JAK1: variants seen among roughly 807,000 people sequenced by gnomAD.
JAK1 encodes the protein tyrosine-protein kinase JAK1.
Under a neutral mutation model 136.6 loss-of-function variants are expected in JAK1, and 16 were observed. The ratio of observed to expected loss-of-function variants is 0.12; its 90% CI spans 0.08 to 0.18. The LOEUF (loss-of-function observed/expected upper bound fraction) is 0.18. Ranked by LOEUF, JAK1 falls within the 10% of genes least tolerant of loss-of-function variation. The pLI is 1.00. For missense variants in JAK1, 859 were observed against 1,450.1 expected (o/e 0.59, Z 6.62); for synonymous variants, 492 against 519.5 (o/e 0.95, Z 0.72).
intron 1 of JAK1, among the ~76,000 whole-genome samples, chr1:64,912,184 A>G (rs1402473655): frequency 6.6e-6 from 1 of 152,126 alleles, no homozygotes; most frequent in African/African-American, 2.4e-5. Flanking sequence ...CGAGGCTGGA[A>G]CCCAGAGTAG....
At chr1:64,870,649 T>C (rs79944148) in intron 5 of JAK1, among the ~76,000 whole-genome samples, 3,319 of 152,140 alleles carry the variant, frequency 0.022, 129 homozygotes, top group African/African-American at 0.077. Flanking sequence ...CTTAAGCCTT[T>C]CTCCAGCTTG....
intron 2 of JAK1, among the ~76,000 whole-genome samples, chr1:65,044,190 T>C (rs1647162872): frequency 6.6e-6 from 1 of 152,158 alleles, no homozygotes; most frequent in African/African-American, 2.4e-5. Context: ...GGACATAATT[T>C]TAGAAAGCAA....
chr1:64,970,800 A>G (rs1646445192), upstream of JAK1, among the ~76,000 whole-genome samples: 1 of 152,000 alleles, frequency 6.6e-6, no homozygotes, highest in African/African-American at 2.4e-5. Context: ...AATATATGAT[A>G]TATAGGAGAG....
chr1:64,851,649 A>G (rs34505082), intron 11 of JAK1, among the ~76,000 whole-genome samples: 4,722 of 152,272 alleles, frequency 0.031, 233 homozygotes, highest in African/African-American at 0.11. Flanking sequence ...CCTCGAGGCC[A>G]GGAAATCTAC....
chr1:64,966,319 C>G lies in JAK1; in HGVS notation c.-78+14G>C, dbSNP rs1425785638. On this transcript the variant is annotated intron_variant, in intron 1 of 24. Transcript: ENST00000342505. ...GGCCGCCCCGGCTCCTCCACCTCCC[C>G]CGGTGACACTCACCACTTCCGTGTG... 1.3e-5 allele frequency: 2 copies of G among 152,204 alleles called. No individual in the cohort carries two copies. The highest frequency in any genetic ancestry group is 2.4e-5 in the African/African-American group (1 of 41,352). The allele number at this position is 152,204 out of a possible 1,614,324, so 9.4% of individuals were successfully genotyped here.
chr1:64,938,813 G>C (rs1318435251), intron 1 of JAK1, among the ~76,000 whole-genome samples: 1 of 152,220 alleles, frequency 6.6e-6, no homozygotes, highest in Admixed American at 6.5e-5. Context: ...GATGTGGGTA[G>C]AGGTAGATGG....
At chr1:65,017,973 C>G (rs1013191572) in intron 2 of JAK1, among the ~76,000 whole-genome samples, 1 of 151,964 alleles carries the variant, frequency 6.6e-6, no homozygotes, top group Non-Finnish European at 1.5e-5. Context: ...CCAGGCCCAA[C>G]TAATTTTTGT....
At chr1:65,018,956 A>G (rs1646914656) in intron 2 of JAK1, among the ~76,000 whole-genome samples, 1 of 152,214 alleles carries the variant, frequency 6.6e-6, no homozygotes, top group Admixed American at 6.5e-5. Flanking sequence ...GCTTGCAGTG[A>G]GCCAAGATCG....
intron 1 of JAK1, among the ~76,000 whole-genome samples, chr1:65,052,224 C>A (rs1647310688): frequency 6.6e-6 from 1 of 151,008 alleles, no homozygotes; most frequent in Non-Finnish European, 1.5e-5. Flanking sequence ...ATGTGAGCCA[C>A]CACACCCAGC....
At chr1:64,917,898 T>C (rs1247354874) in intron 1 of JAK1, among the ~76,000 whole-genome samples, 2 of 152,130 alleles carry the variant, frequency 1.3e-5, no homozygotes, top group East Asian at 1.9e-4. Flanking sequence ...CCACTGACTT[T>C]CCCAAAAGGG....
intron 1 of JAK1, among the ~76,000 whole-genome samples, chr1:64,906,207 T>C (rs555478269): frequency 2.3e-4 from 35 of 152,122 alleles, no homozygotes; most frequent in Admixed American, 2.0e-3. Context: ...GGCAGCAGAA[T>C]TGTTTGAACC....
chr1:64,917,463 C>A (rs977140681), intron 1 of JAK1, among the ~76,000 whole-genome samples: 1 of 152,128 alleles, frequency 6.6e-6, no homozygotes, highest in Non-Finnish European at 1.5e-5. Flanking sequence ...CAGAACAGAG[C>A]GGTCTCAACA....
intron 1 of JAK1, chr1:64,941,846 A>G (rs1645894973): frequency 6.6e-6 from 1 of 152,212 alleles, no homozygotes; most frequent in African/African-American, 2.4e-5. Context: ...GGGACTTTCC[A>G]GTGTTCTCTA....
chr1:64,844,996 T>C lies in JAK1; in HGVS notation c.2116-107A>G. The C allele has an allele frequency of 1.4e-6, 2 of 1,453,570 alleles. No homozygotes were observed. The highest frequency in any genetic ancestry group is 1.9e-6 in the Non-Finnish European group (2 of 1,054,846). The allele number at this position is 1,453,570 out of a possible 1,614,324, so 90.0% of individuals were successfully genotyped here. ...TCCTACCCCCAGCTACAGCCAGATCTGGACAGCCTGGCCCTGCTGCCAATC... is the reference window on the plus strand; with the variant it reads ...TCCTACCCCCAGCTACAGCCAGATCCGGACAGCCTGGCCCTGCTGCCAATC... On this transcript the variant is annotated intron_variant, in intron 15 of 24. Coordinates refer to ENST00000342505, the MANE Select transcript of JAK1 (RefSeq NM_002227.4). The surrounding 1 kb of genome is among the most constrained non-coding windows in gnomAD (Gnocchi z 5.7).
At chr1:65,007,539 C>A (rs1165318518) in intron 2 of JAK1, among the ~76,000 whole-genome samples, 1 of 152,182 alleles carries the variant, frequency 6.6e-6, no homozygotes, top group African/African-American at 2.4e-5. Context: ...CAGCTCACCG[C>A]AACCTCCACC....
intron 2 of JAK1, among the ~76,000 whole-genome samples, chr1:65,002,736 G>A (rs1200537169): frequency 6.6e-6 from 1 of 152,170 alleles, no homozygotes; most frequent in South Asian, 2.1e-4. Flanking sequence ...AAGCCCGGGC[G>A]CTCTTACCGA....
chr1:64,982,861 C>A (rs535312153), intron 2 of JAK1, among the ~76,000 whole-genome samples: 1 of 152,088 alleles, frequency 6.6e-6, no homozygotes, highest in African/African-American at 2.4e-5. Context: ...TGAAAATATT[C>A]ACAGTCTGGT....
intron 2 of JAK1, among the ~76,000 whole-genome samples, chr1:64,991,105 A>G (rs1646653244): frequency 6.6e-6 from 1 of 152,178 alleles, no homozygotes; most frequent in Non-Finnish European, 1.5e-5. Flanking sequence ...AAAATAGTGT[A>G]TGAACAAAAT....
rs182274814 is a variant in JAK1, at chr1:64,960,975, T to G, written c.-78+5358A>C. On this transcript the variant is annotated intron_variant, in intron 1 of 24. Coordinates refer to ENST00000342505, the MANE Select transcript of JAK1 (RefSeq NM_002227.4). The stretch of plus-strand genomic sequence containing the variant: ...TTGCCCTCCACTAAATGCCCCAGAT[T>G]GTTTCACTTTTGAGTTTTGGTTCTC... Among the ~76,000 whole-genome samples the G allele has an allele frequency of 3.3e-5, 5 of 152,336 alleles. No homozygotes were observed. In the East Asian group the frequency reaches 9.6e-4, roughly 29 times the overall value.
Sources: allele counts gnomAD v4.1 joint callset (sites outside exome capture counted in the v4.1 genomes callset), GRCh38; gene constraint gnomAD v4.1.1; non-coding constraint Gnocchi (gnomAD v3.1); transcripts MANE v1.5; gene names NCBI Gene and HGNC (gene_info 2026-07-23, HGNC 2026-07-21).